The following HOXC4 variants were observed in gnomAD, a reference collection of about 807,000 sequenced individuals.
The protein encoded by HOXC4 is homeobox protein Hox-C4.
HOXC4 carries 15 observed loss-of-function variants against 25.5 expected under a neutral mutation model. The ratio of observed to expected loss-of-function variants is 0.59; its 90% CI spans 0.39 to 0.91. The LOEUF (loss-of-function observed/expected upper bound fraction) is 0.91, where lower values mean the gene tolerates loss of function less well. Among genes scored for constraint, HOXC4 ranks in the 40% least tolerant of loss-of-function variants. The probability of loss-of-function intolerance (pLI) is 0.00; values close to 1 mark genes in which losing one functional copy is unlikely to be tolerated. For synonymous variants in HOXC4, 165 were observed against 148.0 expected (o/e 1.11, Z -0.83); for missense variants, 342 against 352.4 (o/e 0.97, Z 0.24).
At chr12:54,033,471 G>C (rs1352181159) in intron 1 of HOXC4, 4 of 1,597,190 alleles carry the variant, frequency 2.5e-6, no homozygotes, top group African/African-American at 1.3e-5. Context: ...GAGCAGTGGG[G>C]AGATCAAAGA....
intron 1 of HOXC4, chr12:54,033,426 AAGGCGGCTCGCCCGGCGCTGGAGG>A (rs1345158425): frequency 6.2e-7 from 1 of 1,605,848 alleles, no homozygotes; most frequent in South Asian, 1.1e-5. Context: ...GTACAGTCAG[AAGGCGGCTCGCCCGGCGCTGGAGG>A]AGCGAGCTAA....
rs1937948420 is a variant in HOXC4, at chr12:54,055,218, A to C, written c.*13A>C. On this transcript the variant is annotated 3_prime_UTR_variant, in exon 2 of 2. Coordinates refer to ENST00000430889, the MANE Select transcript of HOXC4 (RefSeq NM_153633.3). ...TACCAGGTTATAAAACATAACTCACACCCCTGCCCCCACCCCATGCCCCCA... is the reference window on the plus strand; with the variant it reads ...TACCAGGTTATAAAACATAACTCACCCCCCTGCCCCCACCCCATGCCCCCA... 6.8e-7 allele frequency: 1 copy of C among 1,464,718 alleles called. No individual in the cohort carries two copies. Among genetic ancestry groups the C allele is most frequent in the African/African-American group, 1.4e-5 (1 of 69,810 alleles). The allele number at this position is 1,464,718 out of a possible 1,614,324, so 90.7% of individuals were successfully genotyped here.
chr12:54,040,951 A>G (rs764996078), intron 1 of HOXC4, among the ~76,000 whole-genome samples: 5 of 152,216 alleles, frequency 3.3e-5, no homozygotes, highest in Non-Finnish European at 7.3e-5. Flanking sequence ...AGGGTTCTGG[A>G]AAGGAATGAG....
chr12:54,024,103 A>T (rs941972968), intron 1 of HOXC4, among the ~76,000 whole-genome samples: 2 of 152,184 alleles, frequency 1.3e-5, no homozygotes, highest in Admixed American at 6.5e-5. Flanking sequence ...TTAACCAAAT[A>T]GTGTGATTAT....
intron 1 of HOXC4, 106 bp downstream of exon 1, chr12:54,054,467 T>A: frequency 6.7e-6 from 4 of 599,432 alleles, no homozygotes; most frequent in Non-Finnish European, 1.1e-5. Context: ...TCCTTCCCCC[T>A]CTCTCTCCAG....
intron 1 of HOXC4, chr12:54,038,142 G>C (rs1192545134): frequency 6.6e-6 from 1 of 152,178 alleles, no homozygotes; most frequent in Non-Finnish European, 1.5e-5. Flanking sequence ...GGCTGGGGTG[G>C]GAGAAGAGAA....
chr12:54,023,520 C>T (rs1940541638), intron 1 of HOXC4, among the ~76,000 whole-genome samples: 1 of 152,146 alleles, frequency 6.6e-6, no homozygotes, highest in Admixed American at 6.5e-5. Context: ...GCCTCTCAAC[C>T]TCTTAGCTCA....
chr12:54,029,578 G>T, intron 1 of HOXC4: 1 of 1,490,550 alleles, frequency 6.7e-7, no homozygotes, highest in South Asian at 1.3e-5. Context: ...GGGAGGGTCA[G>T]GACTTTGCTA....
chr12:54,036,970 G>A (rs1941195956), intron 1 of HOXC4, among the ~76,000 whole-genome samples: 1 of 152,192 alleles, frequency 6.6e-6, no homozygotes, highest in South Asian at 2.1e-4. Flanking sequence ...CTGCCAGGCA[G>A]GGCACACCAG....
chr12:54,046,639 T>A (rs1937712597), intron 1 of HOXC4, among the ~76,000 whole-genome samples: 1 of 152,306 alleles, frequency 6.6e-6, no homozygotes, highest in Non-Finnish European at 1.5e-5. Flanking sequence ...GCAATGTTTA[T>A]TTGTTGTAAA....
intron 1 of HOXC4, among the ~76,000 whole-genome samples, chr12:54,026,435 A>C (rs1257444365): frequency 6.6e-6 from 1 of 152,160 alleles, no homozygotes; most frequent in Non-Finnish European, 1.5e-5. Context: ...CTGCCAAGTC[A>C]CCCCAAAAAT....
At chr12:54,037,455 A>T (rs1033573010) in intron 1 of HOXC4, among the ~76,000 whole-genome samples, 2 of 152,186 alleles carry the variant, frequency 1.3e-5, no homozygotes, top group Non-Finnish European at 2.9e-5. Context: ...AAGAAGCATG[A>T]CTTACCTTCC....
At chr12:54,027,053 C>T (rs1467904962) in intron 1 of HOXC4, among the ~76,000 whole-genome samples, 1 of 152,042 alleles carries the variant, frequency 6.6e-6, no homozygotes, top group African/African-American at 2.4e-5. Context: ...GCCTATATCA[C>T]GATATCAAAT....
intron 1 of HOXC4, among the ~76,000 whole-genome samples, chr12:54,038,653 A>G (rs1941225217): frequency 6.6e-6 from 1 of 152,110 alleles, no homozygotes; most frequent in Non-Finnish European, 1.5e-5. Context: ...GTCCGTCTGA[A>G]GCCAGTGTGG....
Position 54,053,854 on chromosome 12 carries a change from C to A in HOXC4, c.-69C>A. ...GAAAGTAACTTTACAGGGTCGCTAG[C>A]TAGTAGGAGGGCTTTATGGAGCAGA... On this transcript the variant is annotated 5_prime_UTR_variant, in exon 1 of 2. Transcript: ENST00000430889. 2 of 1,258,148 alleles carry A rather than the reference C, an allele frequency of 1.6e-6. No individual in the cohort carries two copies. The highest frequency in any genetic ancestry group is 2.3e-6 in the Non-Finnish European group (2 of 879,382). The allele number at this position is 1,258,148 out of a possible 1,614,324, so 77.9% of individuals were successfully genotyped here.
At chr12:54,029,257 T>C (rs1940874513) in intron 1 of HOXC4, among the ~76,000 whole-genome samples, 1 of 151,964 alleles carries the variant, frequency 6.6e-6, no homozygotes, top group Non-Finnish European at 1.5e-5. Flanking sequence ...GAGAGGCAGA[T>C]AAGTGGGGAG....
At chr12:54,027,692 C>A (rs10876528) in intron 1 of HOXC4, among the ~76,000 whole-genome samples, 49,629 of 151,820 alleles carry the variant, frequency 0.33, 8,419 homozygotes, top group East Asian at 0.45. Context: ...GTTTTCCCAA[C>A]AGAGGGGTCC....
chr12:54,025,555 T>G lies in HOXC4; in HGVS notation c.-124+8141T>G, dbSNP rs1012325325. The stretch of plus-strand genomic sequence containing the variant: ...GGGGGGGGGAGGTGTTGAAAATTAA[T>G]TTTGCCAAAGGTCTTTAAGCAGTGG... On this transcript the variant is annotated intron_variant, in intron 1 of 3. Coordinates refer to the HOXC4 transcript ENST00000303406. Among the ~76,000 whole-genome samples, 46 of 151,438 alleles carry G rather than the reference T, an allele frequency of 3.0e-4. 1 individual carries two copies. Among genetic ancestry groups the G allele is most frequent in the African/African-American group, 9.7e-4 (40 of 41,378 alleles).
intron 1 of HOXC4, chr12:54,035,296 T>A (rs1207747291): frequency 6.5e-6 from 1 of 152,688 alleles, no homozygotes; most frequent in Admixed American, 6.5e-5. Flanking sequence ...TCCAACTATT[T>A]ATTGACTCTG....
Sources: gnomAD v4.1 joint callset for allele counts (sites outside exome capture counted in the v4.1 genomes callset) on GRCh38, gnomAD v4.1.1 for gene constraint, MANE v1.5 for transcripts, NCBI Gene and HGNC (gene_info 2026-07-23, HGNC 2026-07-21) for gene names.